The following ROBO2 variants were observed in gnomAD, a reference collection of about 807,000 sequenced individuals.
ROBO2 encodes roundabout guidance receptor 2.
In ROBO2, 53 loss-of-function variants were observed where a neutral mutation model predicts 160.8. The observed-to-expected ratio is 0.33, with a 90% CI of 0.26 to 0.41. ROBO2 has a LOEUF of 0.41. Ranked by LOEUF, ROBO2 falls within the 10% of genes least tolerant of loss-of-function variation. The pLI is 1.00. For missense variants in ROBO2, 1,577 were observed against 1,722.4 expected (o/e 0.92, Z 1.49); for synonymous variants, 664 against 611.7 (o/e 1.09, Z -1.26).
chr3:76,411,217 C>T (rs1040409390), intron 2 of ROBO2, among the ~76,000 whole-genome samples: 15 of 152,004 alleles, frequency 9.9e-5, no homozygotes, highest in African/African-American at 2.9e-4. Flanking sequence ...AGAACCTTGA[C>T]GTTCAGTTTA....
intron 2 of ROBO2, among the ~76,000 whole-genome samples, chr3:77,032,233 C>A (rs766997636): frequency 6.6e-6 from 1 of 152,262 alleles, no homozygotes; most frequent in Admixed American, 6.5e-5. Flanking sequence ...GAAATCACTG[C>A]TGGCGAATAC....
Position 76,570,492 on chromosome 3 carries a change from A to G in ROBO2, c.110-527522A>G, listed in dbSNP as rs80034133. ...ATCAAATAGTAAAAATGAGCAAAAC[A>G]TATTAACCATATAAGGAGCTTTTAA... On this transcript the variant is annotated intron_variant, in intron 2 of 26. Transcript: ENST00000487694. 3.9e-3 allele frequency among the ~76,000 whole-genome samples: 592 copies of G among 152,362 alleles called. 7 individuals carry two copies. Among genetic ancestry groups the G allele is most frequent in the African/African-American group, 0.014 (569 of 41,590 alleles).
chr3:76,179,717 C>G (rs1701408988), intron 2 of ROBO2, among the ~76,000 whole-genome samples: 1 of 152,238 alleles, frequency 6.6e-6, no homozygotes, highest in South Asian at 2.1e-4. Flanking sequence ...TTTAGGCATT[C>G]TATCCAGTTT....
At chr3:76,318,108 A>T (rs940495487) in intron 2 of ROBO2, among the ~76,000 whole-genome samples, 3 of 152,050 alleles carry the variant, frequency 2.0e-5, no homozygotes, top group African/African-American at 7.2e-5. Context: ...TTTTAATTTA[A>T]TGACAAATAG....
intron 2 of ROBO2, among the ~76,000 whole-genome samples, chr3:77,128,329 G>C (rs576688628): frequency 1.3e-5 from 2 of 152,254 alleles, no homozygotes; most frequent in South Asian, 4.1e-4. Context: ...CCTCTCATTA[G>C]TCATTTAGGA....
chr3:76,739,410 C>G (rs1213842796), intron 2 of ROBO2, among the ~76,000 whole-genome samples: 3 of 142,252 alleles, frequency 2.1e-5, no homozygotes, highest in Non-Finnish European at 4.5e-5. Flanking sequence ...TGTTCTCACT[C>G]GTAGATGGGA....
intron 2 of ROBO2, among the ~76,000 whole-genome samples, chr3:76,396,009 G>A (rs998156195): frequency 6.6e-6 from 1 of 152,076 alleles, no homozygotes; most frequent in Non-Finnish European, 1.5e-5. Flanking sequence ...GCCGGGCAGA[G>A]ACACAACTAA....
At chr3:77,609,553 T>C (rs2094586214) in intron 21 of ROBO2, among the ~76,000 whole-genome samples, 1 of 151,844 alleles carries the variant, frequency 6.6e-6, no homozygotes. Context: ...TTTTTTCCCA[T>C]TGAGTCTACT....
At chr3:76,429,995 G>A (rs893941741) in intron 2 of ROBO2, among the ~76,000 whole-genome samples, 1 of 152,052 alleles carries the variant, frequency 6.6e-6, no homozygotes, top group Non-Finnish European at 1.5e-5. Flanking sequence ...CCCAGGACAC[G>A]GGGACACTGG....
chr3:76,717,568 G>A (rs536184432), intron 2 of ROBO2, among the ~76,000 whole-genome samples: 5 of 151,876 alleles, frequency 3.3e-5, no homozygotes, highest in African/African-American at 1.2e-4. Context: ...TGTGAGTATT[G>A]TGTATTTGCA....
In ROBO2 at chr3:76,952,422, A is replaced by G. The variant is rs181458512; in HGVS notation, c.110-145592A>G. On this transcript the variant is annotated intron_variant, in intron 2 of 26. Coordinates refer to the ROBO2 transcript ENST00000487694. ...CTCAGCCTCCCAAGTAGCTGGGATTACAGGCATCTGCCACCATGCCCAGCT... is the reference window on the plus strand; with the variant it reads ...CTCAGCCTCCCAAGTAGCTGGGATTGCAGGCATCTGCCACCATGCCCAGCT... Among the ~76,000 whole-genome samples, 716 of 152,174 alleles carry G rather than the reference A, an allele frequency of 4.7e-3. 5 individuals are homozygous for G. Among genetic ancestry groups the G allele is most frequent in the African/African-American group, 0.017 (703 of 41,534 alleles).
intron 2 of ROBO2, among the ~76,000 whole-genome samples, chr3:77,178,773 A>T (rs1456293779): frequency 1.3e-5 from 2 of 152,208 alleles, no homozygotes; most frequent in African/African-American, 4.8e-5. Flanking sequence ...TCCTGAAGAC[A>T]TTCTTATTTT....
chr3:77,024,514 TG>T (rs1423233940), intron 2 of ROBO2, among the ~76,000 whole-genome samples: 8 of 152,274 alleles, frequency 5.3e-5, no homozygotes, highest in Non-Finnish European at 8.8e-5. Flanking sequence ...TACAATGCTA[TG>T]ATCTGGTGTT....
intron 2 of ROBO2, among the ~76,000 whole-genome samples, chr3:76,221,083 A>C (rs903763670): frequency 2.6e-5 from 4 of 152,194 alleles, no homozygotes; most frequent in Admixed American, 6.5e-5. Context: ...ACTTCCATTG[A>C]GAAGTAGTAG....
intron 2 of ROBO2, among the ~76,000 whole-genome samples, chr3:76,836,932 T>G (rs1288176250): frequency 1.3e-5 from 2 of 151,912 alleles, no homozygotes; most frequent in Non-Finnish European, 2.9e-5. Flanking sequence ...TTATATATCC[T>G]TATAGATTTT....
At chr3:76,134,166 A>G (rs755665002) in intron 2 of ROBO2, among the ~76,000 whole-genome samples, 3 of 152,138 alleles carry the variant, frequency 2.0e-5, no homozygotes, top group Non-Finnish European at 4.4e-5. Flanking sequence ...GCTTGTTTAC[A>G]TAGCCTTATA....
At chr3:76,923,189 C>T (rs1260384086) in intron 2 of ROBO2, among the ~76,000 whole-genome samples, 2 of 152,154 alleles carry the variant, frequency 1.3e-5, no homozygotes, top group Non-Finnish European at 2.9e-5. Context: ...CAAAGCTTAA[C>T]TCACTCAAAC....
At chr3:76,944,188 T>G (rs1040716896) in intron 2 of ROBO2, among the ~76,000 whole-genome samples, 8 of 152,134 alleles carry the variant, frequency 5.3e-5, no homozygotes, top group African/African-American at 1.9e-4. Context: ...AATGAGTCAT[T>G]GAAAAAAACA....
chr3:77,403,834 A>T (rs1268641285), intron 2 of ROBO2, among the ~76,000 whole-genome samples: 1 of 152,054 alleles, frequency 6.6e-6, no homozygotes, highest in Non-Finnish European at 1.5e-5. Flanking sequence ...ATAAATCAAG[A>T]TGAAAAAAGT....
Sources: gnomAD v4.1 joint callset for allele counts (sites outside exome capture counted in the v4.1 genomes callset) on GRCh38, gnomAD v4.1.1 for gene constraint, MANE v1.5 for transcripts, NCBI Gene and HGNC (gene_info 2026-07-23, HGNC 2026-07-21) for gene names.